The following SLC2A1 variants were observed in gnomAD, a reference collection of about 807,000 sequenced individuals.
SLC2A1 encodes the protein solute carrier family 2, facilitated glucose transporter member 1.
A neutral mutation model predicts 46.6 loss-of-function variants in SLC2A1; 4 were observed. The ratio of observed to expected loss-of-function variants is 0.09; its 90% CI spans 0.04 to 0.20. SLC2A1 has a LOEUF of 0.20. Among genes scored for constraint, SLC2A1 ranks in the 10% least tolerant of loss-of-function variants. SLC2A1 has a pLI of 1.00. For synonymous variants in SLC2A1, 253 were observed against 270.0 expected (o/e 0.94, Z 0.62); for missense variants, 352 against 667.0 (o/e 0.53, Z 5.20).
intron 1 of SLC2A1, chr1:42,952,257 G>C (rs568467618): frequency 1.3e-4 from 55 of 409,492 alleles, no homozygotes; most frequent in South Asian, 9.6e-4. Context: ...CAGTGAAAAT[G>C]AGGATCAGGA....
chr1:42,927,296 A>G lies in SLC2A1; in HGVS notation c.1279-55T>C. On this transcript the variant is annotated intron_variant, in intron 9 of 9. Coordinates refer to ENST00000426263, the MANE Select transcript of SLC2A1 (RefSeq NM_006516.4). The surrounding 1 kb of genome is among the most constrained non-coding windows in gnomAD (Gnocchi z 5.3). Reference sequence around the variant, plus strand: ...AGTCATGACCCTACATCCTGGCTGTAGGACTTTGGATAAGTCACTTTACCT... The same window carrying G: ...AGTCATGACCCTACATCCTGGCTGTGGGACTTTGGATAAGTCACTTTACCT... 1.3e-6 allele frequency: 2 copies of G among 1,538,088 alleles called. No individual in the cohort carries two copies. The highest frequency in any genetic ancestry group is 1.7e-5 in the Admixed American group (1 of 59,242).
chr1:42,929,133 C>T lies in SLC2A1; in HGVS notation c.972+77G>A. On this transcript the variant is annotated intron_variant, in intron 7 of 9. Transcript: ENST00000426263. This position sits in a 1 kb window ranked among gnomAD's most constrained non-coding sequence, Gnocchi z 6.0. Reference sequence around the variant, plus strand: ...CAAGAGCTGAGAAAGTCACAGGGCACTGCAAAGACCAGTGGGGAAGATGGC... The same window carrying T: ...CAAGAGCTGAGAAAGTCACAGGGCATTGCAAAGACCAGTGGGGAAGATGGC... 6.4e-7 allele frequency: 1 copy of T among 1,556,990 alleles called. No homozygotes were observed. Among genetic ancestry groups the T allele is most frequent in the African/African-American group, 1.4e-5 (1 of 73,656 alleles).
In SLC2A1 at chr1:42,958,678, T is replaced by TGCGCCGGGTACGCGGGTG; in HGVS notation, c.-45_-28dup. On this transcript the variant is annotated 5_prime_UTR_variant, in exon 1 of 10. Coordinates refer to ENST00000426263, the MANE Select transcript of SLC2A1 (RefSeq NM_006516.4). ...GCAGCGCTGCGCTGGTGGCTCTGGC[T>TGCGCCGGGTACGCGGGTG]GCGCCGGGTACGCGGGTGGCGACGG... 7 of 1,534,732 alleles carry TGCGCCGGGTACGCGGGTG rather than the reference T, an allele frequency of 4.6e-6. No homozygotes were observed. Among genetic ancestry groups the TGCGCCGGGTACGCGGGTG allele is most frequent in the Non-Finnish European group, 6.1e-6 (7 of 1,144,542 alleles).
chr1:42,936,969 G>A (rs1420866372), intron 2 of SLC2A1, among the ~76,000 whole-genome samples: 1 of 152,102 alleles, frequency 6.6e-6, no homozygotes, highest in Non-Finnish European at 1.5e-5. Context: ...GACATTTTTG[G>A]TTGCCACACT....
At chr1:42,957,690 G>A (rs570694476) in intron 1 of SLC2A1, among the ~76,000 whole-genome samples, 1 of 152,314 alleles carries the variant, frequency 6.6e-6, no homozygotes, top group South Asian at 2.1e-4. Flanking sequence ...TCGCTCTGCG[G>A]ACGCTACAAA....
intron 8 of SLC2A1, among the ~76,000 whole-genome samples, chr1:42,928,317 T>C (rs895641551): frequency 6.6e-6 from 1 of 152,198 alleles, no homozygotes; most frequent in South Asian, 2.1e-4. Context: ...CAAGCCCAGG[T>C]TGAGCTGTAA....
chr1:42,947,210 G>A (rs1643665792), intron 1 of SLC2A1, among the ~76,000 whole-genome samples: 1 of 152,188 alleles, frequency 6.6e-6, no homozygotes, highest in South Asian at 2.1e-4. Flanking sequence ...TGATGACTTA[G>A]AGAAGGGTAC....
intron 1 of SLC2A1, chr1:42,952,706 C>T (rs1212674847): frequency 5.3e-6 from 1 of 187,232 alleles, no homozygotes; most frequent in African/African-American, 2.4e-5. Context: ...AAGGCAGCCC[C>T]CACCTAGGGG....
At chr1:42,952,352 G>C (rs1374811108) in intron 1 of SLC2A1, 1 of 475,302 alleles carries the variant, frequency 2.1e-6, no homozygotes, top group Non-Finnish European at 4.2e-6. Context: ...GGCCACTCAG[G>C]CCCACACTCA....
At chr1:42,932,258 C>A (rs1643498982) in intron 2 of SLC2A1, among the ~76,000 whole-genome samples, 1 of 152,048 alleles carries the variant, frequency 6.6e-6, no homozygotes, top group Admixed American at 6.5e-5. Flanking sequence ...GGCAGCCCTG[C>A]CCACCAGCCC....
In SLC2A1 at chr1:42,929,559, C is replaced by T; in HGVS notation, c.867+34G>A. On this transcript the variant is annotated intron_variant, in intron 6 of 9. Transcript: ENST00000426263. This position sits in a 1 kb window ranked among gnomAD's most constrained non-coding sequence, Gnocchi z 6.0. Reference sequence around the variant, plus strand: ...ATGCACACTTGACCAGAGGGCTTGGCTGGGGCACAGGAAGGGTGGGTGGGG... The same window carrying T: ...ATGCACACTTGACCAGAGGGCTTGGTTGGGGCACAGGAAGGGTGGGTGGGG... 2 of 1,588,400 alleles carry T rather than the reference C, an allele frequency of 1.3e-6. No homozygotes were observed. The highest frequency in any genetic ancestry group is 1.7e-6 in the Non-Finnish European group (2 of 1,159,950).
Position 42,930,051 on chromosome 1 carries a change from G to A in SLC2A1, c.517-16C>T. On this transcript the variant is annotated splice_polypyrimidine_tract_variant and intron_variant, in intron 4 of 9. Coordinates refer to ENST00000426263, the MANE Select transcript of SLC2A1 (RefSeq NM_006516.4). The surrounding 1 kb of genome is among the most constrained non-coding windows in gnomAD (Gnocchi z 6.2). Reference sequence around the variant, plus strand: ...GGCCGAACACCTGGGGGAAGCAGGGGCCGTGAGCGCCTCTGCCCTGACCCC... The same window carrying A: ...GGCCGAACACCTGGGGGAAGCAGGGACCGTGAGCGCCTCTGCCCTGACCCC... 1 of 1,613,440 alleles carries A rather than the reference G, an allele frequency of 6.2e-7. No individual in the cohort carries two copies. Among genetic ancestry groups the A allele is most frequent in the African/African-American group, 1.3e-5 (1 of 75,018 alleles).
At chr1:42,958,523 G>T (rs1036489895) in intron 1 of SLC2A1, 111 bp downstream of exon 1, 99 of 851,702 alleles carry the variant, frequency 1.2e-4, no homozygotes, top group Non-Finnish European at 1.5e-4. Flanking sequence ...CGCGCGGCCC[G>T]CCCCGGGCGC....
chr1:42,952,652 G>A, intron 1 of SLC2A1: 1 of 239,876 alleles, frequency 4.2e-6, no homozygotes, highest in Non-Finnish European at 8.6e-6. Context: ...CTTCTGCACA[G>A]CTGTGAGGGC....
At chr1:42,955,997 T>G (rs1477667358) in intron 1 of SLC2A1, among the ~76,000 whole-genome samples, 1 of 152,182 alleles carries the variant, frequency 6.6e-6, no homozygotes, top group Non-Finnish European at 1.5e-5. Flanking sequence ...CAGACACACC[T>G]GGTTTTCAGA....
Position 42,927,854 on chromosome 1 carries a change from T to C in SLC2A1, c.1075-46A>G, listed in dbSNP as rs373264856. The C allele has an allele frequency of 1.0e-5, 15 of 1,445,946 alleles. No homozygotes were observed. The highest frequency in any genetic ancestry group is 1.4e-5 in the African/African-American group (1 of 71,332). 89.6% of individuals were successfully genotyped at this position (1,445,946 alleles called of 1,614,324 possible). On this transcript the variant is annotated intron_variant, in intron 8 of 9. Transcript: ENST00000426263. The surrounding 1 kb of genome is among the most constrained non-coding windows in gnomAD (Gnocchi z 5.3). ...GGGGAAAAGTTAGACTGGGTTGTGA[T>C]GGATCCTCAGGGGAAACAGAAGCTA...
chr1:42,940,828 C>A (rs1180027247), intron 2 of SLC2A1, among the ~76,000 whole-genome samples: 1 of 152,104 alleles, frequency 6.6e-6, no homozygotes, highest in Admixed American at 6.6e-5. Context: ...TAATTCTCAA[C>A]TTTTCTCCAG....
intron 2 of SLC2A1, among the ~76,000 whole-genome samples, chr1:42,938,140 G>A (rs773709451): frequency 5.3e-5 from 8 of 152,204 alleles, no homozygotes; most frequent in Non-Finnish European, 1.2e-4. Context: ...ATTTGGGGAG[G>A]GGAAAGGCAG....
At chr1:42,939,826 T>C (rs1391536810) in intron 2 of SLC2A1, among the ~76,000 whole-genome samples, 1 of 151,908 alleles carries the variant, frequency 6.6e-6, no homozygotes, top group Non-Finnish European at 1.5e-5. Flanking sequence ...TACACACCTG[T>C]ACCAGTAGCC....
Sources: gnomAD v4.1 joint callset for allele counts (sites outside exome capture counted in the v4.1 genomes callset) on GRCh38, gnomAD v4.1.1 for gene constraint, Gnocchi (gnomAD v3.1) non-coding constraint, MANE v1.5 for transcripts, NCBI Gene and HGNC (gene_info 2026-07-23, HGNC 2026-07-21) for gene names.